Variants in MGAT5 observed in about 807,000 individuals in gnomAD.
MGAT5 encodes the protein alpha-1,6-mannosylglycoprotein 6-beta-N-acetylglucosaminyltransferase A.
In MGAT5, 30 loss-of-function variants were observed where a neutral mutation model predicts 94.3. That is an observed-to-expected ratio of 0.32 (90% CI 0.24 to 0.43). The LOEUF is 0.43. Ranked by LOEUF, MGAT5 falls within the 20% of genes least tolerant of loss-of-function variation. The probability of loss-of-function intolerance (pLI) is 1.00; values close to 1 mark genes in which losing one functional copy is unlikely to be tolerated. For missense variants in MGAT5, 691 were observed against 905.5 expected (o/e 0.76, Z 3.04); for synonymous variants, 310 against 322.9 (o/e 0.96, Z 0.43).
intron 1 of MGAT5, among the ~76,000 whole-genome samples, chr2:134,244,743 G>A (rs1216673658): frequency 6.6e-6 from 1 of 152,142 alleles, no homozygotes; most frequent in Non-Finnish European, 1.5e-5. Context: ...GATTGGTAAG[G>A]CAGTCCCTCT....
At chr2:134,417,229 A>G (rs2106343758) in intron 12 of MGAT5, among the ~76,000 whole-genome samples, 1 of 152,234 alleles carries the variant, frequency 6.6e-6, no homozygotes, top group Admixed American at 6.5e-5. Flanking sequence ...TATGGAGTTC[A>G]GGCATACCCT....
chr2:134,151,944 G>A (rs1280196481), intron 1 of MGAT5, among the ~76,000 whole-genome samples: 1 of 121,752 alleles, frequency 8.2e-6, no homozygotes, highest in Non-Finnish European at 1.8e-5. Flanking sequence ...CCACCGCCAT[G>A]GGACCTCACT....
chr2:134,403,000 T>C lies in MGAT5; in HGVS notation c.1393T>C (p.Tyr465His). The C allele has an allele frequency of 6.3e-7, 1 of 1,591,822 alleles. No individual in the cohort carries two copies. The highest frequency in any genetic ancestry group is 8.5e-7 in the Non-Finnish European group (1 of 1,173,422). ...VDSFWKNKKI[Y>H]LDIIHTYMEV... Reference sequence around the variant, plus strand: ...TTTTCTTCTTTAGAATAAGAAGATCTACTTGGACATTATTCACACATACAT... The same window carrying C: ...TTTTCTTCTTTAGAATAAGAAGATCCACTTGGACATTATTCACACATACAT... Residue 465 changes from tyrosine to histidine, a missense_variant, in exon 11 of 16, where the codon TAC becomes CAC. Tyr to His is a moderately conservative substitution (Grantham distance 83). Around this residue, in one of 4 missense-constraint regions of MGAT5, gnomAD observed 260 missense variants for 347.0 expected, o/e 0.75. Coordinates refer to ENST00000281923, the MANE Select transcript of MGAT5 (RefSeq NM_002410.5).
intron 4 of MGAT5, among the ~76,000 whole-genome samples, chr2:134,326,723 A>G (rs187360926): frequency 6.6e-4 from 100 of 152,238 alleles, no homozygotes; most frequent in Admixed American, 1.3e-3. Flanking sequence ...TATCATCTAG[A>G]TTGTAGTGCA....
In MGAT5 at chr2:134,448,833, A is replaced by C; in HGVS notation, c.2212A>C (p.Lys738Gln). Reference protein sequence around the residue: ...DFIKGQVALCKDCL With the variant: ...DFIKGQVALCQDCL ...CATCAAGGGCCAGGTGGCTCTCTGC[A>C]AAGACTGCCTATAGCAGCTACCTGC... Residue 738 changes from lysine (K) to glutamine (Q), a missense_variant, in exon 16 of 16, where the codon AAA becomes CAA. Physicochemically the swap from Lys to Gln is moderately conservative, Grantham distance 53. Coordinates refer to ENST00000281923, the MANE Select transcript of MGAT5 (RefSeq NM_002410.5). 6.2e-7 allele frequency: 1 copy of C among 1,613,404 alleles called. No homozygotes were observed. The highest frequency in any genetic ancestry group is 1.7e-5 in the Admixed American group (1 of 60,016).
chr2:134,216,639 T>A (rs181999579), intron 1 of MGAT5, among the ~76,000 whole-genome samples: 1 of 152,368 alleles, frequency 6.6e-6, no homozygotes, highest in African/African-American at 2.4e-5. Flanking sequence ...CGAAATGTGA[T>A]TCATCCTCGA....
intron 5 of MGAT5, 110 bp downstream of exon 5, chr2:134,336,398 C>G: frequency 1.2e-6 from 1 of 865,094 alleles, no homozygotes; most frequent in Non-Finnish European, 1.8e-6. Flanking sequence ...TAGTGTTACA[C>G]TGAAAAACTT....
At chr2:134,202,702 T>A (rs956990698) in intron 1 of MGAT5, among the ~76,000 whole-genome samples, 4 of 152,228 alleles carry the variant, frequency 2.6e-5, no homozygotes, top group Non-Finnish European at 5.9e-5. Flanking sequence ...AGAGCATGTT[T>A]TAGCCAGGAT....
At chr2:134,172,738 C>A (rs1688278954) in intron 1 of MGAT5, among the ~76,000 whole-genome samples, 1 of 152,208 alleles carries the variant, frequency 6.6e-6, no homozygotes. Flanking sequence ...AACCCACTGC[C>A]TAAGGGGCAG....
intron 1 of MGAT5, among the ~76,000 whole-genome samples, chr2:134,120,547 G>C (rs1396043484): frequency 6.6e-6 from 1 of 151,948 alleles, no homozygotes; most frequent in Non-Finnish European, 1.5e-5. Context: ...GCCCCGGGCA[G>C]CCCCTCCCAG....
At chr2:134,170,471 C>A (rs1688151850) in intron 1 of MGAT5, among the ~76,000 whole-genome samples, 1 of 152,188 alleles carries the variant, frequency 6.6e-6, no homozygotes, top group Non-Finnish European at 1.5e-5. Context: ...AGTGTACAAA[C>A]CTCTGTTACT....
At chr2:134,283,558 G>A (rs879577723) in intron 2 of MGAT5, among the ~76,000 whole-genome samples, 12 of 151,614 alleles carry the variant, frequency 7.9e-5, no homozygotes, top group Non-Finnish European at 1.8e-4. Flanking sequence ...TCATGAAGTC[G>A]GTGCACAGTT....
chr2:134,295,113 G>A (rs1317069028), intron 2 of MGAT5, among the ~76,000 whole-genome samples: 1 of 152,132 alleles, frequency 6.6e-6, no homozygotes, highest in East Asian at 1.9e-4. Flanking sequence ...TTTCTTTATT[G>A]CACCGAGGAA....
intron 4 of MGAT5, among the ~76,000 whole-genome samples, chr2:134,329,423 G>A (rs1056585163): frequency 1.3e-5 from 2 of 152,092 alleles, no homozygotes; most frequent in Non-Finnish European, 2.9e-5. Flanking sequence ...TGCTACATTC[G>A]TTAACCATAC....
At chr2:134,397,797 G>C (rs1167205454) in intron 10 of MGAT5, among the ~76,000 whole-genome samples, 1 of 152,212 alleles carries the variant, frequency 6.6e-6, no homozygotes, top group Non-Finnish European at 1.5e-5. Context: ...AGTTCATGCA[G>C]GAGGGGGCTG....
At chr2:134,199,850 T>C (rs1032174182) in intron 1 of MGAT5, among the ~76,000 whole-genome samples, 1 of 151,926 alleles carries the variant, frequency 6.6e-6, no homozygotes, top group Non-Finnish European at 1.5e-5. Context: ...TCTGTTGGAG[T>C]TTGAGGGAAG....
rs76773392 is a variant in MGAT5 at position 134,216,209 on chromosome 2, C to G, written c.-142-38053C>G. 2.6e-5 allele frequency among the ~76,000 whole-genome samples: 4 copies of G among 152,196 alleles called. No homozygotes were observed. The South Asian group carries it at 8.3e-4, about 32-fold the overall frequency. ...AATAAGGAACCAAGTCCAAATGAGG[C>G]GAGCTTAATTTGAGCTAGCAGAATT... On this transcript the variant is annotated intron_variant, in intron 1 of 16. Transcript: ENST00000409645.
At chr2:134,324,295 A>G (rs62168048) in intron 4 of MGAT5, among the ~76,000 whole-genome samples, 45,088 of 152,032 alleles carry the variant, frequency 0.3, 7,086 homozygotes, top group Middle Eastern at 0.52. Flanking sequence ...TCAAATGCCA[A>G]TTTGGACTAG....
intron 1 of MGAT5, among the ~76,000 whole-genome samples, chr2:134,215,847 A>C (rs999717): frequency 0.61 from 93,385 of 151,970 alleles, 29,208 homozygotes; most frequent in East Asian, 0.8. Flanking sequence ...AGCTTCCTTC[A>C]CTCACATCCT....
Sources: allele counts gnomAD v4.1 joint callset (sites outside exome capture counted in the v4.1 genomes callset), GRCh38; gene constraint gnomAD v4.1.1; regional missense constraint gnomAD v4.1.1; transcripts MANE v1.5; gene names NCBI Gene and HGNC (gene_info 2026-07-23, HGNC 2026-07-21).